PBRM1: variants seen among roughly 807,000 people sequenced by gnomAD.
PBRM1 encodes polybromo 1.
PBRM1 carries 27 observed loss-of-function variants against 194.5 expected under a neutral mutation model. That is an observed-to-expected ratio of 0.14 (90% CI 0.10 to 0.19). PBRM1 has a LOEUF of 0.19. Ranked by LOEUF, PBRM1 falls within the 10% of genes least tolerant of loss-of-function variation. The probability of loss-of-function intolerance (pLI) is 1.00; values close to 1 mark genes in which losing one functional copy is unlikely to be tolerated. For missense variants in PBRM1, 1,466 were observed against 2,077.2 expected, an observed-to-expected ratio of 0.71 and a Z score of 5.72; for synonymous variants, 655 against 693.2, an observed-to-expected ratio of 0.94 and a Z score of 0.87.
At chr3:52,573,638 T>C (rs1242384924) in intron 22 of PBRM1, among the ~76,000 whole-genome samples, 1 of 152,196 alleles carries the variant, frequency 6.6e-6, no homozygotes, top group Non-Finnish European at 1.5e-5. Context: ...AAGAAATTAC[T>C]CCAAGTTATG....
At chr3:52,601,752 G>C (rs2094008789) in intron 17 of PBRM1, among the ~76,000 whole-genome samples, 1 of 152,178 alleles carries the variant, frequency 6.6e-6, no homozygotes, top group Non-Finnish European at 1.5e-5. Context: ...GCTTGCTGGA[G>C]TGCCAGGAAT....
intron 17 of PBRM1, 44 bp downstream of exon 19, chr3:52,603,476 AG>A (rs1169716111): frequency 6.4e-7 from 1 of 1,558,850 alleles, no homozygotes; most frequent in African/African-American, 1.4e-5. Context: ...AACACCTAGA[AG>A]ACAGTGCATT....
intron 13 of PBRM1, among the ~76,000 whole-genome samples, chr3:52,626,255 C>A (rs1048969166): frequency 6.6e-6 from 1 of 152,108 alleles, no homozygotes; most frequent in Non-Finnish European, 1.5e-5. Flanking sequence ...AATTCATAGG[C>A]CAGTAATGGA....
intron 27 of PBRM1, 34 bp from the exon 30 acceptor site, chr3:52,550,851 C>T (rs1193644455): frequency 7.0e-7 from 1 of 1,429,664 alleles, no homozygotes; most frequent in East Asian, 2.3e-5. Context: ...CAGTTAGAGG[C>T]TCTGGGTTGA....
chr3:52,627,057 G>A (rs916303332), intron 13 of PBRM1, among the ~76,000 whole-genome samples: 1 of 150,474 alleles, frequency 6.6e-6, no homozygotes, highest in Non-Finnish European at 1.5e-5. Flanking sequence ...AGCTACATAT[G>A]TAGTAGTCAT....
chr3:52,645,007 C>T (rs1236088596), intron 7 of PBRM1, among the ~76,000 whole-genome samples: 2 of 152,160 alleles, frequency 1.3e-5, no homozygotes, highest in Admixed American at 6.5e-5. Context: ...AAAATGCCTC[C>T]TAGTTCTTTC....
At chr3:52,653,623 A>T (rs2096552370) in intron 5 of PBRM1, among the ~76,000 whole-genome samples, 1 of 148,748 alleles carries the variant, frequency 6.7e-6, no homozygotes, top group South Asian at 2.1e-4. Flanking sequence ...AAATGAAGCA[A>T]AATTCTGGTC....
chr3:52,588,607 G>A (rs927722528), intron 18 of PBRM1, among the ~76,000 whole-genome samples: 2 of 143,938 alleles, frequency 1.4e-5, no homozygotes, highest in Non-Finnish European at 3.0e-5. Flanking sequence ...AGGCTGGAGT[G>A]CAGTGGCGTG....
intron 12 of PBRM1, among the ~76,000 whole-genome samples, chr3:52,628,023 C>G (rs1211249954): frequency 6.6e-6 from 1 of 152,084 alleles, no homozygotes; most frequent in Non-Finnish European, 1.5e-5. Flanking sequence ...GTCAGATAGA[C>G]CCAATTTGTA....
chr3:52,580,514 A>G (rs1428662597), intron 20 of PBRM1, among the ~76,000 whole-genome samples: 4 of 151,808 alleles, frequency 2.6e-5, no homozygotes, highest in Admixed American at 1.3e-4. Context: ...ACCCGCTACC[A>G]TGCCCAGCTA....
At chr3:52,660,170 G>A (rs1193971491) in intron 4 of PBRM1, among the ~76,000 whole-genome samples, 7 of 152,252 alleles carry the variant, frequency 4.6e-5, no homozygotes, top group African/African-American at 1.7e-4. Context: ...TCAATTATGC[G>A]TTACAGAAGT....
chr3:52,672,030 T>A (rs1323029716), intron 2 of PBRM1, among the ~76,000 whole-genome samples: 3 of 152,218 alleles, frequency 2.0e-5, no homozygotes, highest in Non-Finnish European at 4.4e-5. Context: ...TTATATTAGT[T>A]CTAGAGGTCA....
intron 27 of PBRM1, among the ~76,000 whole-genome samples, chr3:52,552,271 C>T (rs2081159099): frequency 6.6e-6 from 1 of 152,090 alleles, no homozygotes; most frequent in Admixed American, 6.6e-5. Context: ...TGCAGGGCAG[C>T]ACAAATCAGC....
chr3:52,560,894 G>A (rs1346070309), intron 25 of PBRM1, among the ~76,000 whole-genome samples: 1 of 151,712 alleles, frequency 6.6e-6, no homozygotes, highest in Non-Finnish European at 1.5e-5. Context: ...AATAATTAAT[G>A]TTTGCCAGAA....
At chr3:52,649,022 T>C (rs1188129816) in intron 6 of PBRM1, among the ~76,000 whole-genome samples, 1 of 152,022 alleles carries the variant, frequency 6.6e-6, no homozygotes, top group Non-Finnish European at 1.5e-5. Context: ...GAGGCACACA[T>C]GACTAATGGT....
At chr3:52,654,939 C>A (rs1466488932) in intron 5 of PBRM1, among the ~76,000 whole-genome samples, 5 of 152,042 alleles carry the variant, frequency 3.3e-5, no homozygotes, top group African/African-American at 1.2e-4. Flanking sequence ...CAGGTGCACA[C>A]CACCATGACT....
downstream of PBRM1, chr3:52,545,418 CA>C (rs370189453): frequency 3.5e-5 from 8 of 230,170 alleles, no homozygotes; most frequent in East Asian, 6.2e-5. Context: ...AGATGAACAA[CA>C]AAAAAAAGAT....
At chr3:52,647,757 C>T (rs2153769224) in intron 7 of PBRM1, among the ~76,000 whole-genome samples, 1 of 151,892 alleles carries the variant, frequency 6.6e-6, no homozygotes, top group South Asian at 2.1e-4. Context: ...TATACGATTC[C>T]ATTTGTGTAA....
rs755241328 is a variant in PBRM1 at position 52,637,773 on chromosome 3, C to CAAAAAAAAAAAAAAAAAAAAAAAAA, written c.1088-2959_1088-2958insTTTTTTTTTTTTTTTTTTTTTTTTT. On this transcript the variant is annotated intron_variant, in intron 10 of 29. Transcript: ENST00000296302. ...CAAAACCATGTCTCTACTAAAAATA[C>CAAAAAAAAAAAAAAAAAAAAAAAAA]AAAAAAAAAAAAAAAAAAAAAAAAT... Among the ~76,000 whole-genome samples the CAAAAAAAAAAAAAAAAAAAAAAAAA allele has an allele frequency of 1.2e-3, 50 of 42,228 alleles. 7 individuals are homozygous for CAAAAAAAAAAAAAAAAAAAAAAAAA. Among genetic ancestry groups the CAAAAAAAAAAAAAAAAAAAAAAAAA allele is most frequent in the Non-Finnish European group, 2.0e-3 (37 of 18,910 alleles). 27.7% of individuals were successfully genotyped at this position (42,228 alleles called of 152,430 possible).
Sources: allele counts gnomAD v4.1 joint callset (sites outside exome capture counted in the v4.1 genomes callset), GRCh38; gene constraint gnomAD v4.1.1; transcripts MANE v1.5; gene names NCBI Gene and HGNC (gene_info 2026-07-23, HGNC 2026-07-21).